Variants in PRDM16 observed in about 807,000 individuals in gnomAD.
The protein encoded by PRDM16 is histone-lysine N-methyltransferase PRDM16.
Under a neutral mutation model 110.6 loss-of-function variants are expected in PRDM16, and 23 were observed. That is an observed-to-expected ratio of 0.21 (90% CI 0.15 to 0.29). The LOEUF is 0.29. Among genes scored for constraint, PRDM16 ranks in the 10% least tolerant of loss-of-function variants. The pLI, the probability that PRDM16 is intolerant of heterozygous loss-of-function variation, is 1.00. For missense variants in PRDM16, 1,615 were observed against 1,794.3 expected (o/e 0.90, Z 1.81); for synonymous variants, 799 against 781.8 (o/e 1.02, Z -0.37).
At chr1:3,273,801 A>G (rs1054624274) in intron 3 of PRDM16, among the ~76,000 whole-genome samples, 6 of 133,828 alleles carry the variant, frequency 4.5e-5, no homozygotes, top group Non-Finnish European at 6.4e-5. Context: ...CGTGTGGCTA[A>G]CTGCATAGGC....
chr1:3,421,790 T>C (rs1292116652), intron 12 of PRDM16, among the ~76,000 whole-genome samples: 1 of 152,240 alleles, frequency 6.6e-6, no homozygotes, highest in Non-Finnish European at 1.5e-5. Flanking sequence ...GTGGACTTTC[T>C]GCAAAAGTCT....
intron 15 of PRDM16, 117 bp downstream of exon 15, chr1:3,431,225 G>T: frequency 5.5e-6 from 8 of 1,447,016 alleles, no homozygotes; most frequent in Non-Finnish European, 7.3e-6. Flanking sequence ...CCCTACTCCA[G>T]CACAGCCACC....
In PRDM16 at chr1:3,425,455, A is replaced by G; in HGVS notation, c.2940-126A>G. 9.8e-7 allele frequency: 1 copy of G among 1,015,292 alleles called. No homozygotes were observed. The highest frequency in any genetic ancestry group is 1.6e-5 in the South Asian group (1 of 61,606). 62.9% of individuals were successfully genotyped at this position (1,015,292 alleles called of 1,614,324 possible). A position where few individuals can be genotyped will look rare whatever the true frequency, so the allele number is the denominator to read the frequency against. On this transcript the variant is annotated intron_variant, in intron 12 of 16. Transcript: ENST00000270722. This position sits in a 1 kb window ranked among gnomAD's most constrained non-coding sequence, Gnocchi z 6.9. ...TGGGAGATCCAGCAACCTCCGGGAC[A>G]CGGCGGGGCAAAGCTGTGCACGGGG... is the stretch of plus-strand genomic sequence containing the variant.
rs188456972 is a variant in PRDM16, at chr1:3,271,735, C to T, written c.438+27598C>T. ...ACCTGGTGGCAGGAAAAGCTCCTGC[C>T]TCAGAGGCCAGAGATGATCCTGGCA... On this transcript the variant is annotated intron_variant, in intron 3 of 16. Transcript: ENST00000270722. Among the ~76,000 whole-genome samples the T allele has an allele frequency of 3.9e-3, 589 of 152,264 alleles. 4 individuals are homozygous for T. The highest frequency in any genetic ancestry group is 0.014 in the African/African-American group (563 of 41,536).
At chr1:3,354,841 C>T (rs1291007180) in intron 3 of PRDM16, among the ~76,000 whole-genome samples, 2 of 152,136 alleles carry the variant, frequency 1.3e-5, no homozygotes, top group South Asian at 4.1e-4. Flanking sequence ...GGCGAGGTCT[C>T]CTCTCTCCCA....
At chr1:3,074,459 G>A (rs1210500223) in intron 1 of PRDM16, among the ~76,000 whole-genome samples, 1 of 152,066 alleles carries the variant, frequency 6.6e-6, no homozygotes, top group Non-Finnish European at 1.5e-5. Flanking sequence ...CAGGGTTTAA[G>A]CATTTTCTCA....
At chr1:3,076,557 CAGA>C (rs1169991520) in intron 1 of PRDM16, among the ~76,000 whole-genome samples, 1 of 152,198 alleles carries the variant, frequency 6.6e-6, no homozygotes, top group Non-Finnish European at 1.5e-5. Flanking sequence ...CGTCCCCGGG[CAGA>C]AGCACTGGAG....
intron 1 of PRDM16, among the ~76,000 whole-genome samples, chr1:3,121,855 G>A (rs1643101420): frequency 6.6e-6 from 1 of 152,220 alleles, no homozygotes; most frequent in African/African-American, 2.4e-5. Context: ...GGCGGGAAGT[G>A]GAGGAAGAAG....
intron 3 of PRDM16, among the ~76,000 whole-genome samples, chr1:3,251,220 G>A (rs1487805366): frequency 2.7e-5 from 4 of 150,036 alleles, no homozygotes; most frequent in African/African-American, 4.9e-5. Flanking sequence ...GGGGCAGCGC[G>A]GCCCTCAGCC....
intron 3 of PRDM16, among the ~76,000 whole-genome samples, chr1:3,313,129 A>T (rs1641504491): frequency 6.6e-6 from 1 of 152,390 alleles, no homozygotes; most frequent in South Asian, 2.1e-4. Flanking sequence ...CGAAGCTGTC[A>T]GTGTCCTTCC....
In PRDM16 at chr1:3,310,275, C is replaced by T. The variant is rs576558455; in HGVS notation, c.438+66138C>T. Among the ~76,000 whole-genome samples, 10 of 152,166 alleles carry T rather than the reference C, an allele frequency of 6.6e-5. No homozygotes were observed. In the South Asian group the frequency reaches 8.3e-4, roughly 13 times the overall value. On this transcript the variant is annotated intron_variant, in intron 3 of 16. Transcript: ENST00000270722. Reference sequence around the variant, plus strand: ...CCGGCACACTCTGGGGCCCAAAGGCCGGATGCCTGCAGTGTGCACACACCT... The same window carrying T: ...CCGGCACACTCTGGGGCCCAAAGGCTGGATGCCTGCAGTGTGCACACACCT...
Position 3,411,676 on chromosome 1 carries a change from G to C in PRDM16, c.1479G>C (p.Pro493=). 6.2e-7 allele frequency: 1 copy of C among 1,611,006 alleles called. No homozygotes were observed. Among genetic ancestry groups the C allele is most frequent in the Non-Finnish European group, 8.5e-7 (1 of 1,177,996 alleles). The change falls in exon 9 of 17, where the codon CCG becomes CCC. Residue 493 remains proline, a synonymous_variant. Coordinates refer to ENST00000270722, the MANE Select transcript of PRDM16 (RefSeq NM_022114.4). ...TCAACGAGTACTTTCCCTCCAGGCC[G>C]CACCCGGGGAGCCTGCCCTTCTCCA... is the stretch of plus-strand genomic sequence containing the variant. ...LGFNEYFPSR[P]HPGSLPFSTA...
intron 3 of PRDM16, among the ~76,000 whole-genome samples, chr1:3,328,810 A>G (rs1311732350): frequency 6.6e-6 from 1 of 152,124 alleles, no homozygotes; most frequent in African/African-American, 2.4e-5. Context: ...GGTTTGGGCC[A>G]TTGTCCGACC....
intron 3 of PRDM16, among the ~76,000 whole-genome samples, chr1:3,310,420 C>T (rs186951562): frequency 5.9e-5 from 9 of 152,322 alleles, no homozygotes; most frequent in Non-Finnish European, 7.4e-5. Context: ...CGTCTTTCAA[C>T]GGAAACCGTA....
At chr1:3,158,136 C>T (rs751876757) in intron 1 of PRDM16, among the ~76,000 whole-genome samples, 12 of 152,108 alleles carry the variant, frequency 7.9e-5, no homozygotes, top group East Asian at 1.9e-4. Context: ...CGGTTGTGCC[C>T]GTTCTGTATT....
At chr1:3,090,499 C>G (rs550681974) in intron 1 of PRDM16, among the ~76,000 whole-genome samples, 1 of 152,260 alleles carries the variant, frequency 6.6e-6, no homozygotes, top group Non-Finnish European at 1.5e-5. Context: ...GTGGACATTC[C>G]TCAGGCAGCC....
At chr1:3,342,066 G>GC (rs1379943158) in intron 3 of PRDM16, among the ~76,000 whole-genome samples, 1 of 152,182 alleles carries the variant, frequency 6.6e-6, no homozygotes, top group Non-Finnish European at 1.5e-5. Context: ...GCCCAGCCGT[G>GC]CTCAGCCTGG....
At chr1:3,176,073 A>C (rs891201021) in intron 1 of PRDM16, among the ~76,000 whole-genome samples, 4 of 152,096 alleles carry the variant, frequency 2.6e-5, no homozygotes, top group Non-Finnish European at 2.9e-5. Flanking sequence ...CCATCCATCC[A>C]TCCATCCATC....
At position 3,350,633 on chromosome 1, in the gene PRDM16, G is replaced by A. The variant is rs181071020; in HGVS notation, c.439-34519G>A. On this transcript the variant is annotated intron_variant, in intron 3 of 16. Coordinates refer to ENST00000270722, the MANE Select transcript of PRDM16 (RefSeq NM_022114.4). The surrounding 1 kb of genome is among the most constrained non-coding windows in gnomAD (Gnocchi z 7.1). ...AGCCAGCCCTGCCCGGCCAGGGCTCGGGCACAGCTTGGCTCCATGCAGGGC... is the reference window on the plus strand; with the variant it reads ...AGCCAGCCCTGCCCGGCCAGGGCTCAGGCACAGCTTGGCTCCATGCAGGGC... Among the ~76,000 whole-genome samples, 814 of 152,230 alleles carry A rather than the reference G, an allele frequency of 5.3e-3. 9 individuals are homozygous for A. Among genetic ancestry groups the A allele is most frequent in the African/African-American group, 0.019 (776 of 41,564 alleles).
Sources: allele counts gnomAD v4.1 joint callset (sites outside exome capture counted in the v4.1 genomes callset), GRCh38; gene constraint gnomAD v4.1.1; non-coding constraint Gnocchi (gnomAD v3.1); transcripts MANE v1.5; gene names NCBI Gene and HGNC (gene_info 2026-07-23, HGNC 2026-07-21).